ARHGAP26: variants seen among roughly 807,000 people sequenced by gnomAD.
ARHGAP26 encodes rho GTPase-activating protein 26.
ARHGAP26 carries 38 observed loss-of-function variants against 104.8 expected under a neutral mutation model. The observed-to-expected ratio is 0.36, with a 90% CI of 0.28 to 0.48. ARHGAP26 has a LOEUF of 0.48. ARHGAP26 is among the 20% of genes least tolerant of loss of function. The pLI is 0.99. For synonymous variants in ARHGAP26, 341 were observed against 340.0 expected (o/e 1.00, Z -0.03); for missense variants, 704 against 947.9 (o/e 0.74, Z 3.38).
intron 21 of ARHGAP26, among the ~76,000 whole-genome samples, chr5:143,213,760 C>A (rs886421052): frequency 5.3e-5 from 8 of 152,142 alleles, no homozygotes; most frequent in African/African-American, 1.9e-4. Context: ...CACAAGGTGA[C>A]CCCACAAAAA....
chr5:142,854,127 T>C (rs769469413), intron 1 of ARHGAP26, among the ~76,000 whole-genome samples: 1 of 152,252 alleles, frequency 6.6e-6, no homozygotes, highest in African/African-American at 2.4e-5. Flanking sequence ...ATGTGTTTAA[T>C]GGCACACTTT....
At chr5:143,124,578 AC>A (rs1796506043) in intron 18 of ARHGAP26, among the ~76,000 whole-genome samples, 1 of 151,732 alleles carries the variant, frequency 6.6e-6, no homozygotes, top group Non-Finnish European at 1.5e-5. Flanking sequence ...CTGCCACAAG[AC>A]CCCCCTCTTT....
intron 1 of ARHGAP26, among the ~76,000 whole-genome samples, chr5:142,852,663 T>C (rs1410018096): frequency 6.6e-6 from 1 of 152,218 alleles, no homozygotes; most frequent in Admixed American, 6.5e-5. Flanking sequence ...TTGAATTGGT[T>C]TTCCATGATT....
intron 1 of ARHGAP26, among the ~76,000 whole-genome samples, chr5:142,849,020 C>A (rs1032904777): frequency 6.6e-6 from 1 of 152,162 alleles, no homozygotes; most frequent in Admixed American, 6.5e-5. Flanking sequence ...TACTGGAAGT[C>A]TCTTCCATGT....
intron 11 of ARHGAP26, among the ~76,000 whole-genome samples, chr5:142,976,737 A>G (rs2152716590): frequency 6.6e-6 from 1 of 152,352 alleles, no homozygotes; most frequent in East Asian, 1.9e-4. Flanking sequence ...GGTTCCCTGT[A>G]GGTGGAATTT....
intron 1 of ARHGAP26, among the ~76,000 whole-genome samples, chr5:142,852,884 G>T (rs1751763963): frequency 1.3e-5 from 2 of 152,234 alleles, no homozygotes; most frequent in Admixed American, 6.5e-5. Context: ...TGCTGTCTCT[G>T]CATGTCCTGT....
In ARHGAP26 at chr5:143,207,187, A is replaced by T. The variant is rs761502089; in HGVS notation, c.1989-11A>T. 2.4e-5 allele frequency: 39 copies of T among 1,610,452 alleles called. No homozygotes were observed. The highest frequency in any genetic ancestry group is 5.0e-5 in the Admixed American group (3 of 59,686). ...TGTGCTGACAAGTTTTCTGGTTGTT[A>T]TGTCTTGCAGCCCCCCGAATCCAAG... On this transcript the variant is annotated splice_polypyrimidine_tract_variant and intron_variant, in intron 20 of 22. Coordinates refer to ENST00000645722, the MANE Select transcript of ARHGAP26 (RefSeq NM_001135608.3).
intron 19 of ARHGAP26, among the ~76,000 whole-genome samples, chr5:143,142,417 A>G (rs562731389): frequency 3.9e-5 from 6 of 152,122 alleles, no homozygotes; most frequent in African/African-American, 1.4e-4. Flanking sequence ...TGGGATTACA[A>G]GCATGAGCCA....
At chr5:143,086,102 A>G (rs1790551180) in intron 17 of ARHGAP26, among the ~76,000 whole-genome samples, 1 of 152,188 alleles carries the variant, frequency 6.6e-6, no homozygotes, top group African/African-American at 2.4e-5. Flanking sequence ...ATCACCTGTA[A>G]AAGAACAGGA....
intron 1 of ARHGAP26, among the ~76,000 whole-genome samples, chr5:142,772,182 C>T (rs866186314): frequency 6.6e-6 from 1 of 152,166 alleles, no homozygotes; most frequent in African/African-American, 2.4e-5. Context: ...CTTGTTGCTT[C>T]TAAAAATGAA....
intron 22 of ARHGAP26, 21 bp downstream of exon 22, chr5:143,214,109 CAAAGATATGGG>C: frequency 2.9e-6 from 3 of 1,030,966 alleles, no homozygotes; most frequent in Non-Finnish European, 4.2e-6. Context: ...CATCCCCTCA[CAAAGATATGGG>C]CGGGGGGCGG....
At chr5:142,945,574 A>G (rs1766981136) in intron 11 of ARHGAP26, among the ~76,000 whole-genome samples, 1 of 152,186 alleles carries the variant, frequency 6.6e-6, no homozygotes, top group African/African-American at 2.4e-5. Context: ...TGTTTCCTCC[A>G]TCTGGAAGAT....
chr5:142,794,067 G>T (rs7721566), intron 1 of ARHGAP26, among the ~76,000 whole-genome samples: 5 of 152,184 alleles, frequency 3.3e-5, no homozygotes, highest in Admixed American at 6.5e-5. Flanking sequence ...CCAGACTCTC[G>T]TGACTCCAAA....
chr5:143,199,512 G>GGATTA (rs1807383459), intron 20 of ARHGAP26, among the ~76,000 whole-genome samples: 1 of 152,154 alleles, frequency 6.6e-6, no homozygotes. Flanking sequence ...CAATGAAATG[G>GGATTA]GATTAGATTA....
chr5:143,111,902 C>G (rs1184591677), intron 17 of ARHGAP26, among the ~76,000 whole-genome samples: 1 of 152,180 alleles, frequency 6.6e-6, no homozygotes, highest in Non-Finnish European at 1.5e-5. Context: ...TTGGCAAAGG[C>G]TCTAAGACAG....
Position 142,894,333 on chromosome 5 carries a change from T to C in ARHGAP26, c.582T>C (p.Phe194=). The stretch of plus-strand genomic sequence containing the variant: ...AGGAAGTCCAAGAGAGAAAGATGTT[T>C]GAGTTTGTGGAGCCTGTAAGTAGAT... ...KVQEVQERKM[F]EFVEPLLAFL... The change falls in exon 6 of 23, where the codon TTT becomes TTC. Residue 194 remains phenylalanine, a synonymous_variant. Coordinates refer to ENST00000645722, the MANE Select transcript of ARHGAP26 (RefSeq NM_001135608.3). The C allele has an allele frequency of 6.2e-7, 1 of 1,613,892 alleles. No homozygotes were observed. Among genetic ancestry groups the C allele is most frequent in the Non-Finnish European group, 8.5e-7 (1 of 1,179,822 alleles).
chr5:142,882,684 C>T (rs1475762053), intron 4 of ARHGAP26, among the ~76,000 whole-genome samples: 1 of 152,214 alleles, frequency 6.6e-6, no homozygotes, highest in Non-Finnish European at 1.5e-5. Flanking sequence ...CCATTGCTGA[C>T]ATTTATTGAG....
At chr5:143,103,134 T>C (rs1240421584) in intron 17 of ARHGAP26, 1 of 510,196 alleles carries the variant, frequency 2.0e-6, no homozygotes, top group Non-Finnish European at 2.5e-6. Flanking sequence ...TAAGGTGCCA[T>C]CCTTGCCTGG....
intron 20 of ARHGAP26, among the ~76,000 whole-genome samples, chr5:143,201,463 A>G (rs114995052): frequency 1.4e-3 from 209 of 152,294 alleles, no homozygotes; most frequent in African/African-American, 4.9e-3. Flanking sequence ...AGTGAAATTG[A>G]CCATTTTGAA....
Sources: gnomAD v4.1 joint callset for allele counts (sites outside exome capture counted in the v4.1 genomes callset) on GRCh38, gnomAD v4.1.1 for gene constraint, MANE v1.5 for transcripts, NCBI Gene and HGNC (gene_info 2026-07-23, HGNC 2026-07-21) for gene names.